Variants in HMCN1 observed in about 807,000 individuals in gnomAD.
The protein encoded by HMCN1 is hemicentin-1.
In HMCN1, 321 loss-of-function variants were observed where a neutral mutation model predicts 625.9. The observed-to-expected ratio is 0.51, with a 90% CI of 0.47 to 0.56. HMCN1 has a LOEUF of 0.56. HMCN1 is among the 20% of genes least tolerant of loss of function. The probability of loss-of-function intolerance (pLI) is 0.00; values close to 1 mark genes in which losing one functional copy is unlikely to be tolerated. For synonymous variants in HMCN1, 2,425 were observed against 2,417.6 expected (o/e 1.00, Z -0.09); for missense variants, 6,588 against 6,887.3 (o/e 0.96, Z 1.54).
At chr1:186,188,106 C>T in intron 106 of HMCN1, 97 bp downstream of exon 106, 3 of 1,385,422 alleles carry the variant, frequency 2.2e-6, no homozygotes, top group Admixed American at 3.4e-5. Context: ...GTGTAACTCA[C>T]AGGAAGTCAC....
chr1:185,950,218 A>T (rs1668574034), intron 11 of HMCN1, among the ~76,000 whole-genome samples: 1 of 151,284 alleles, frequency 6.6e-6, no homozygotes, highest in Non-Finnish European at 1.5e-5. Flanking sequence ...GGGAGACTCA[A>T]CAAAGAGTGA....
rs1410731139 is a variant in HMCN1, at chr1:185,788,849, A to G, written c.268+53802A>G. On this transcript the variant is annotated intron_variant, in intron 1 of 106. Transcript: ENST00000271588. Reference sequence around the variant, plus strand: ...TTAATTTATTCAGTAAAAATGTTCCATACTTAGTTTGAAGGAATCACGGGA... The same window carrying G: ...TTAATTTATTCAGTAAAAATGTTCCGTACTTAGTTTGAAGGAATCACGGGA... 7.9e-5 allele frequency among the ~76,000 whole-genome samples: 12 copies of G among 152,262 alleles called. No homozygotes were observed. In the South Asian group the frequency reaches 1.0e-3, roughly 13 times the overall value.
intron 29 of HMCN1, among the ~76,000 whole-genome samples, chr1:186,005,535 A>T (rs1445211330): frequency 6.7e-6 from 1 of 148,940 alleles, no homozygotes; most frequent in Non-Finnish European, 1.5e-5. Context: ...TTGTTTATAA[A>T]TGTTTATAAA....
At chr1:186,063,931 T>G (rs925457112) in intron 48 of HMCN1, among the ~76,000 whole-genome samples, 1 of 152,160 alleles carries the variant, frequency 6.6e-6, no homozygotes, top group Non-Finnish European at 1.5e-5. Context: ...AGTTTTAAAG[T>G]AAGAATGAAA....
chr1:186,086,148 A>T, intron 57 of HMCN1, 98 bp from the exon 58 acceptor site: 1 of 1,097,800 alleles, frequency 9.1e-7, no homozygotes, highest in Non-Finnish European at 1.4e-6. Context: ...TCGTTAACTC[A>T]GTCCTTTAGC....
intron 1 of HMCN1, among the ~76,000 whole-genome samples, chr1:185,796,002 G>T (rs186125447): frequency 6.6e-6 from 1 of 151,996 alleles, no homozygotes; most frequent in African/African-American, 2.4e-5. Flanking sequence ...TTGTTAACAC[G>T]GATATCTTAT....
intron 53 of HMCN1, among the ~76,000 whole-genome samples, chr1:186,075,992 G>T (rs984155410): frequency 4.6e-5 from 7 of 152,090 alleles, no homozygotes; most frequent in Non-Finnish European, 1.0e-4. Flanking sequence ...TTTTGTTAAT[G>T]GAATTTTTAA....
chr1:186,011,133 C>T (rs1363034424), intron 30 of HMCN1, among the ~76,000 whole-genome samples: 1 of 152,146 alleles, frequency 6.6e-6, no homozygotes, highest in Non-Finnish European at 1.5e-5. Context: ...GCAACCTCCG[C>T]CTCTTCGGTT....
chr1:185,883,146 C>T (rs1664416086), intron 4 of HMCN1, among the ~76,000 whole-genome samples: 1 of 151,926 alleles, frequency 6.6e-6, no homozygotes, highest in African/African-American at 2.4e-5. Flanking sequence ...GTTTGTGTGT[C>T]TTTCACTTCA....
chr1:186,162,908 C>T (rs7524835), intron 97 of HMCN1, among the ~76,000 whole-genome samples: 9,788 of 152,236 alleles, frequency 0.064, 755 homozygotes, highest in African/African-American at 0.19. Flanking sequence ...TCTCCAGCTG[C>T]GTGCTGGGAG....
intron 11 of HMCN1, among the ~76,000 whole-genome samples, chr1:185,958,871 G>A (rs886362560): frequency 2.6e-5 from 4 of 152,172 alleles, no homozygotes; most frequent in African/African-American, 9.7e-5. Context: ...TGGGTCTAGA[G>A]TTAGATACCC....
intron 4 of HMCN1, among the ~76,000 whole-genome samples, chr1:185,867,308 A>G (rs1054643387): frequency 6.6e-6 from 1 of 152,184 alleles, no homozygotes; most frequent in Non-Finnish European, 1.5e-5. Flanking sequence ...ATTTGCCTCA[A>G]TGTTTGCACG....
chr1:186,060,522 A>C (rs1367039926), intron 46 of HMCN1, among the ~76,000 whole-genome samples: 1 of 151,798 alleles, frequency 6.6e-6, no homozygotes, highest in Non-Finnish European at 1.5e-5. Flanking sequence ...TCCAAATTAC[A>C]CCCCCAGTAT....
chr1:186,081,501 A>G, intron 56 of HMCN1, 107 bp downstream of exon 56: 1 of 776,572 alleles, frequency 1.3e-6, no homozygotes, highest in Non-Finnish European at 2.1e-6. Context: ...TAAATATTAT[A>G]TTTGTAAAAA....
intron 8 of HMCN1, among the ~76,000 whole-genome samples, chr1:185,924,387 CGCCCAGCTAA>C (rs1667167993): frequency 6.6e-6 from 1 of 151,710 alleles, no homozygotes; most frequent in Non-Finnish European, 1.5e-5. Context: ...CCTGCCACCT[CGCCCAGCTAA>C]TGGACTGATA....
chr1:186,061,649 A>G (rs1289934923), intron 46 of HMCN1, among the ~76,000 whole-genome samples: 4 of 152,216 alleles, frequency 2.6e-5, no homozygotes, highest in Non-Finnish European at 4.4e-5. Context: ...TTTTTTATCT[A>G]TTGAACTAGA....
chr1:185,947,904 C>T (rs115929650), intron 11 of HMCN1, among the ~76,000 whole-genome samples: 72 of 152,232 alleles, frequency 4.7e-4, no homozygotes, highest in African/African-American at 1.6e-3. Context: ...GCTAGTTTCA[C>T]GTGGAAAAGT....
chr1:185,817,640 T>C (rs1659924993), intron 1 of HMCN1, among the ~76,000 whole-genome samples: 2 of 152,230 alleles, frequency 1.3e-5, no homozygotes, highest in Admixed American at 6.5e-5. Flanking sequence ...TTTTAGCTTA[T>C]TACATAGTTT....
At chr1:186,012,453 A>G (rs1654065654) in intron 30 of HMCN1, among the ~76,000 whole-genome samples, 1 of 151,822 alleles carries the variant, frequency 6.6e-6, no homozygotes, top group Non-Finnish European at 1.5e-5. Context: ...ACAGGTGAGC[A>G]GTGTCAGTAA....
Sources: gnomAD v4.1 joint callset for allele counts (sites outside exome capture counted in the v4.1 genomes callset) on GRCh38, gnomAD v4.1.1 for gene constraint, MANE v1.5 for transcripts, NCBI Gene and HGNC (gene_info 2026-07-23, HGNC 2026-07-21) for gene names.